The following RANGAP1 variants were observed in gnomAD, a reference collection of about 807,000 sequenced individuals.
RANGAP1 encodes Ran GTPase activating protein 1.
RANGAP1 carries 38 observed loss-of-function variants against 63.5 expected under a neutral mutation model. That is an observed-to-expected ratio of 0.60 (90% CI 0.46 to 0.78). The LOEUF is 0.78. RANGAP1 is among the 30% of genes least tolerant of loss of function. The pLI is 0.00. For missense variants in RANGAP1, 630 were observed against 740.3 expected, an observed-to-expected ratio of 0.85 and a Z score of 1.73; for synonymous variants, 329 against 310.5, an observed-to-expected ratio of 1.06 and a Z score of -0.63.
chr22:41,300,179 G>C, the RANGAP1 span, among the ~76,000 whole-genome samples: 2 of 151,920 alleles, frequency 1.3e-5, no homozygotes, highest in East Asian at 3.9e-4. Flanking sequence ...TAAGAGGCTG[G>C]TGTCCTGCTG....
intron 6 of RANGAP1, among the ~76,000 whole-genome samples, chr22:41,258,890 G>A (rs1279516718): frequency 6.6e-6 from 1 of 152,162 alleles, no homozygotes; most frequent in Non-Finnish European, 1.5e-5. Flanking sequence ...CCTGACCTCA[G>A]GCGATCCAGC....
intron 10 of RANGAP1, 161 bp from the exon 11 acceptor site, chr22:41,254,655 G>C (rs948453410): frequency 2.0e-6 from 2 of 984,488 alleles, no homozygotes; most frequent in Admixed American, 6.2e-5. Context: ...TGGATCACCA[G>C]GGAAATCCAT....
In RANGAP1 at chr22:41,256,065, C is replaced by T. The variant is rs751628724; in HGVS notation, c.1029G>A (p.Glu343=). The change falls in exon 10 of 16, where the codon GAG becomes GAA. Residue 343 remains glutamate (E), a synonymous_variant. Coordinates refer to ENST00000356244, the MANE Select transcript of RANGAP1 (RefSeq NM_002883.4). Reference sequence around the variant, plus strand: ...TGGCCATGTTGAAGCCCTCCAGCACCTCCTGAAGCTGTTCACAGCCTTCTT... The same window carrying T: ...TGGCCATGTTGAAGCCCTCCAGCACTTCCTGAAGCTGTTCACAGCCTTCTT... The part of the protein sequence containing the change: ...LGEEGCEQLQ[E]VLEGFNMAKV... The T allele has an allele frequency of 6.2e-7, 1 of 1,614,092 alleles. No individual in the cohort carries two copies.
the RANGAP1 span, among the ~76,000 whole-genome samples, chr22:41,298,078 G>A: frequency 2.8e-4 from 42 of 151,648 alleles, 1 homozygote; most frequent in East Asian, 3.3e-3. Flanking sequence ...GGCTGGTCTC[G>A]AACTCCCTAC....
intron 14 of RANGAP1, 85 bp from the exon 15 acceptor site, chr22:41,249,536 A>G: frequency 1.3e-6 from 2 of 1,584,770 alleles, no homozygotes; most frequent in Non-Finnish European, 1.7e-6. Flanking sequence ...CTCTGCTGAT[A>G]GTGCCCACAA....
intron 12 of RANGAP1, 138 bp downstream of exon 12, chr22:41,252,734 G>T: frequency 1.9e-6 from 2 of 1,042,634 alleles, no homozygotes; most frequent in Non-Finnish European, 2.6e-6. Context: ...TGCGCGTGTT[G>T]TAACAGTGGC....
chr22:41,286,412 C>T (rs539395392), upstream of RANGAP1, among the ~76,000 whole-genome samples: 17 of 152,380 alleles, frequency 1.1e-4, no homozygotes, highest in Admixed American at 4.6e-4. Context: ...TCGCCCTCCC[C>T]TGGTGGCTTC....
chr22:41,293,563 G>T, the RANGAP1 span, among the ~76,000 whole-genome samples: 1 of 151,714 alleles, frequency 6.6e-6, no homozygotes, highest in Non-Finnish European at 1.5e-5. Flanking sequence ...GCGGATCACA[G>T]GTCAGGAGAT....
the RANGAP1 span, among the ~76,000 whole-genome samples, chr22:41,299,957 T>C: frequency 2.0e-5 from 3 of 151,946 alleles, no homozygotes; most frequent in African/African-American, 2.4e-5. Flanking sequence ...TTCACCGTGT[T>C]AGCCAGGATG....
chr22:41,255,912 C>T (rs891447084), intron 10 of RANGAP1, 109 bp downstream of exon 10: 25 of 1,133,262 alleles, frequency 2.2e-5, no homozygotes, highest in Middle Eastern at 2.8e-4. Context: ...CGAGATCACG[C>T]CACTGTACTT....
intron 12 of RANGAP1, among the ~76,000 whole-genome samples, chr22:41,252,652 C>T (rs1414334572): frequency 6.6e-6 from 1 of 152,190 alleles, no homozygotes; most frequent in East Asian, 1.9e-4. Context: ...AACTGGCGGG[C>T]TGTACTTTCT....
chr22:41,267,413 G>A (rs1417300191), intron 4 of RANGAP1, among the ~76,000 whole-genome samples: 1 of 152,138 alleles, frequency 6.6e-6, no homozygotes, highest in Non-Finnish European at 1.5e-5. Context: ...ACTCATCACT[G>A]ACCAGAAACC....
intron 5 of RANGAP1, among the ~76,000 whole-genome samples, chr22:41,264,180 A>G (rs2034330327): frequency 6.6e-6 from 1 of 152,170 alleles, no homozygotes; most frequent in Admixed American, 6.5e-5. Context: ...GAAGCAAAGA[A>G]GCTCCACTCT....
At chr22:41,275,276 T>C (rs2035067496) in intron 2 of RANGAP1, among the ~76,000 whole-genome samples, 1 of 151,450 alleles carries the variant, frequency 6.6e-6, no homozygotes, top group Admixed American at 6.6e-5. Context: ...GTGGATTGCT[T>C]GAGCCCAGGA....
upstream of RANGAP1, among the ~76,000 whole-genome samples, chr22:41,290,405 T>G (rs1601744460): frequency 1.3e-5 from 2 of 151,964 alleles, no homozygotes; most frequent in African/African-American, 4.8e-5. Context: ...TATTTTTGCA[T>G]TTTTAGTAGA....
At chr22:41,259,078 C>G (rs1204549801) in intron 6 of RANGAP1, among the ~76,000 whole-genome samples, 3 of 152,086 alleles carry the variant, frequency 2.0e-5, no homozygotes, top group Admixed American at 6.6e-5. Flanking sequence ...CCTCTGTGCT[C>G]CCGGAGCACC....
At chr22:41,274,319 G>A (rs1257035919) in intron 3 of RANGAP1, among the ~76,000 whole-genome samples, 1 of 152,232 alleles carries the variant, frequency 6.6e-6, no homozygotes, top group Non-Finnish European at 1.5e-5. Flanking sequence ...CCTCACATGT[G>A]ACAGCTCTGC....
At chr22:41,283,522 A>G (rs1302416251) in intron 1 of RANGAP1, among the ~76,000 whole-genome samples, 2 of 152,052 alleles carry the variant, frequency 1.3e-5, no homozygotes, top group African/African-American at 4.8e-5. Flanking sequence ...CAAACAAATA[A>G]CAACAACAAC....
At chr22:41,252,778 C>T (rs1018243464) in intron 12 of RANGAP1, 94 bp downstream of exon 12, 15 of 1,350,790 alleles carry the variant, frequency 1.1e-5, no homozygotes, top group South Asian at 1.1e-4. Flanking sequence ...CTGACAGCGT[C>T]GCACCCCCAG....
Sources: gnomAD v4.1 joint callset for allele counts (sites outside exome capture counted in the v4.1 genomes callset) on GRCh38, gnomAD v4.1.1 for gene constraint, MANE v1.5 for transcripts, NCBI Gene and HGNC (gene_info 2026-07-23, HGNC 2026-07-21) for gene names.